TUBGCP5: variants seen among roughly 807,000 people sequenced by gnomAD.
The protein encoded by TUBGCP5 is tubulin gamma complex component 5.
In TUBGCP5, 98 loss-of-function variants were observed where a neutral mutation model predicts 134.7. That is an observed-to-expected ratio of 0.73 (90% CI 0.62 to 0.86). The LOEUF is 0.86. Among genes scored for constraint, TUBGCP5 ranks in the 40% least tolerant of loss-of-function variants. The pLI, the probability that TUBGCP5 is intolerant of heterozygous loss-of-function variation, is 0.00. For missense variants in TUBGCP5, 1,150 were observed against 1,244.8 expected, an observed-to-expected ratio of 0.92 and a Z score of 1.15; for synonymous variants, 456 against 431.4, an observed-to-expected ratio of 1.06 and a Z score of -0.71.
intron 23 of TUBGCP5, among the ~76,000 whole-genome samples, chr15:22,988,842 C>A (rs774276616): frequency 6.6e-6 from 1 of 151,986 alleles, no homozygotes; most frequent in Non-Finnish European, 1.5e-5. Context: ...TCTCAGCTCA[C>A]TGCAACCTCC....
Position 23,013,222 on chromosome 15 carries a change from G to A in TUBGCP5, c.1757-1891C>T, listed in dbSNP as rs2065134722. On this transcript the variant is annotated intron_variant, in intron 13 of 22. Coordinates refer to ENST00000615383, the MANE Select transcript of TUBGCP5 (RefSeq NM_052903.6). This position sits in a 1 kb window ranked among gnomAD's most constrained non-coding sequence, Gnocchi z 4.5. ...AATCCCAACACTTCAGGAGGCCGAG[G>A]CGGGCGGATCATGAGGTCAGGGGAT... is the stretch of plus-strand genomic sequence containing the variant. Among the ~76,000 whole-genome samples the A allele has an allele frequency of 6.6e-6, 1 of 152,000 alleles. No individual in the cohort carries two copies. Among genetic ancestry groups the A allele is most frequent in the Admixed American group, 6.6e-5 (1 of 15,252 alleles).
chr15:23,016,116 T>G (rs1268133900), intron 13 of TUBGCP5, among the ~76,000 whole-genome samples: 2 of 152,102 alleles, frequency 1.3e-5, no homozygotes, highest in Non-Finnish European at 2.9e-5. Flanking sequence ...AAATAAACAC[T>G]CAACAAAATC....
In TUBGCP5 at chr15:23,030,892, A is replaced by G. The variant is rs764016010; in HGVS notation, c.615T>C (p.Ser205=). ...DQNRKLDPCI[S]WKDEPDDRSW... Reference sequence around the variant, plus strand: ...CCTCATAACACATAATACCTTTCCAACTGATACAAGGATCCAGTTTTCTGT... The same window carrying G: ...CCTCATAACACATAATACCTTTCCAGCTGATACAAGGATCCAGTTTTCTGT... Residue 205 remains serine, a synonymous_variant, in exon 6 of 23, where the codon AGT becomes AGC. Transcript: ENST00000615383. The G allele has an allele frequency of 6.2e-7, 1 of 1,610,584 alleles. No homozygotes were observed. Among genetic ancestry groups the G allele is most frequent in the Non-Finnish European group, 8.5e-7 (1 of 1,179,296 alleles).
At chr15:23,016,443 C>G (rs976587739) in intron 13 of TUBGCP5, among the ~76,000 whole-genome samples, 5 of 149,504 alleles carry the variant, frequency 3.3e-5, no homozygotes, top group African/African-American at 1.2e-4. Context: ...GCAGTGAGCC[C>G]AGATTGCACC....
At chr15:23,016,969 G>GAGATATATATATATAT (rs1555439437) in intron 13 of TUBGCP5, among the ~76,000 whole-genome samples, 3 of 109,394 alleles carry the variant, frequency 2.7e-5, no homozygotes, top group African/African-American at 1.1e-4. Context: ...AAAATTGTGA[G>GAGATATATATATATAT]ATATATATAT....
Position 23,021,531 on chromosome 15 carries a change from CA to C in TUBGCP5, c.1371+427del, listed in dbSNP as rs141731218. Among the ~76,000 whole-genome samples, 580 of 152,150 alleles carry C rather than the reference CA, an allele frequency of 3.8e-3. 1 individual carries two copies. The highest frequency in any genetic ancestry group is 6.4e-3 in the Non-Finnish European group (438 of 67,996). ...TTTAAGTACATTCATATCGTTGTGA[CA>C]AATCTCCAGAACTTTTTCATGTTAT... On this transcript the variant is annotated intron_variant, in intron 11 of 22. Transcript: ENST00000615383.
chr15:23,029,128 G>A lies in TUBGCP5; in HGVS notation c.622+1757C>T, dbSNP rs1215401650. ...TAAAAGATAAAAAATTACGATAAAT[G>A]TAGCTATTATTATGTTAAGGCAATC... On this transcript the variant is annotated intron_variant, in intron 6 of 22. Transcript: ENST00000615383. Among the ~76,000 whole-genome samples, 5 of 152,114 alleles carry A rather than the reference G, an allele frequency of 3.3e-5. 1 individual carries two copies. The highest frequency in any genetic ancestry group is 5.9e-5 in the Non-Finnish European group (4 of 68,020).
intron 16 of TUBGCP5, 116 bp downstream of exon 16, chr15:23,008,583 A>G (rs777927608): frequency 1.4e-5 from 18 of 1,280,242 alleles, no homozygotes; most frequent in Middle Eastern, 3.8e-4. Flanking sequence ...GTAAAATAAT[A>G]TTAGTAAAAC....
Position 23,021,906 on chromosome 15 carries a change from C to T in TUBGCP5, c.1371+53G>A, listed in dbSNP as rs117024649. The stretch of plus-strand genomic sequence containing the variant: ...AAGAACTACCATCAGCTGTCTATCA[C>T]TCCTCTGCTGTGCAGCATGGAGTCA... On this transcript the variant is annotated intron_variant, in intron 11 of 22. Transcript: ENST00000615383. The T allele has an allele frequency of 1.3e-5, 21 of 1,559,028 alleles. No individual in the cohort carries two copies. The East Asian group carries it at 4.7e-4, about 35-fold the overall frequency.
chr15:22,993,029 C>T (rs2063899461), intron 23 of TUBGCP5, among the ~76,000 whole-genome samples: 1 of 152,124 alleles, frequency 6.6e-6, no homozygotes, highest in South Asian at 2.1e-4. Flanking sequence ...AAGAAAATGA[C>T]TATCGAGCAA....
intron 13 of TUBGCP5, 140 bp downstream of exon 13, chr15:23,017,633 C>T: frequency 1.2e-6 from 1 of 814,324 alleles, no homozygotes; most frequent in Non-Finnish European, 1.8e-6. Context: ...GTTACTAATT[C>T]AACCATGACG....
rs1206725836 is a variant in TUBGCP5 at position 22,994,122 on chromosome 15, CTT to C, written c.*61+2721_*61+2722del. The stretch of plus-strand genomic sequence containing the variant: ...TTCTTTTTTAGGATGAAGTTTTGCT[CTT>C]GTTGCCCAGGCTGCAGTGCAATGGT... On this transcript the variant is annotated intron_variant and NMD_transcript_variant, in intron 23 of 23. Transcript: ENST00000614508. Among the ~76,000 whole-genome samples the C allele has an allele frequency of 5.3e-5, 8 of 151,746 alleles. No individual in the cohort carries two copies. In the South Asian group the frequency reaches 1.3e-3, roughly 24 times the overall value.
intron 22 of TUBGCP5, 176 bp downstream of exon 22, chr15:23,000,393 C>A: frequency 7.2e-7 from 1 of 1,386,480 alleles, no homozygotes; most frequent in South Asian, 1.9e-5. Flanking sequence ...CTTACACTCA[C>A]CTCACCGTAA....
At chr15:23,031,168 G>A in intron 5 of TUBGCP5, 148 bp from the exon 6 acceptor site, 1 of 651,000 alleles carries the variant, frequency 1.5e-6, no homozygotes, top group South Asian at 3.1e-5. Flanking sequence ...TAAATCTCTT[G>A]GAAGTGCCTA....
At chr15:22,996,953 C>G (rs879369506), downstream of TUBGCP5, 3 of 150,810 alleles carry the variant, frequency 2.0e-5, no homozygotes, top group Non-Finnish European at 4.4e-5. Flanking sequence ...GGCAACAAAG[C>G]AAGACCTTGC....
At chr15:23,026,280 C>T (rs1296738344) in intron 7 of TUBGCP5, 75 bp from the exon 8 acceptor site, 7 of 1,290,148 alleles carry the variant, frequency 5.4e-6, no homozygotes, top group South Asian at 1.2e-5. Context: ...AGAATATCTG[C>T]AATTTAGTGC....
rs1053294311 is a variant in TUBGCP5, at chr15:23,026,008, T to C, written c.827+108A>G. On this transcript the variant is annotated intron_variant, in intron 8 of 22. Coordinates refer to ENST00000615383, the MANE Select transcript of TUBGCP5 (RefSeq NM_052903.6). The stretch of plus-strand genomic sequence containing the variant: ...GTCCGAACTTCACACCTAATGGACC[T>C]TTTCTAGTTTGCATGTGAAAATGCT... 13 of 811,704 alleles carry C rather than the reference T, an allele frequency of 1.6e-5. 1 individual carries two copies. In the Admixed American group the frequency reaches 3.9e-4, roughly 25 times the overall value. 50.3% of individuals were successfully genotyped at this position (811,704 alleles called of 1,614,324 possible).
At chr15:23,037,057 A>G in intron 2 of TUBGCP5, 42 bp downstream of exon 2, 1 of 1,599,268 alleles carries the variant, frequency 6.3e-7, no homozygotes, top group Non-Finnish European at 8.5e-7. Flanking sequence ...CTATAAGAAA[A>G]TACATATATT....
intron 18 of TUBGCP5, 81 bp from the exon 19 acceptor site, chr15:23,005,691 C>CT (rs767085200): frequency 2.6e-5 from 37 of 1,427,242 alleles, no homozygotes; most frequent in Non-Finnish European, 3.5e-5. Context: ...GGCAGAAACA[C>CT]TGACGGATGT....
Sources: gnomAD v4.1 joint callset for allele counts (sites outside exome capture counted in the v4.1 genomes callset) on GRCh38, gnomAD v4.1.1 for gene constraint, Gnocchi (gnomAD v3.1) non-coding constraint, MANE v1.5 for transcripts, NCBI Gene and HGNC (gene_info 2026-07-23, HGNC 2026-07-21) for gene names.